The following IQGAP1 variants were observed in gnomAD, a reference collection of about 807,000 sequenced individuals.
IQGAP1 encodes ras GTPase-activating-like protein IQGAP1.
In IQGAP1, 66 loss-of-function variants were observed where a neutral mutation model predicts 215.6. The observed-to-expected ratio is 0.31, with a 90% CI of 0.25 to 0.38. The LOEUF (loss-of-function observed/expected upper bound fraction) is 0.38. Ranked by LOEUF, IQGAP1 falls within the 10% of genes least tolerant of loss-of-function variation. The probability of loss-of-function intolerance (pLI) is 1.00; values close to 1 mark genes in which losing one functional copy is unlikely to be tolerated. For synonymous variants in IQGAP1, 772 were observed against 728.7 expected (o/e 1.06, Z -0.96); for missense variants, 1,712 against 1,997.1 (o/e 0.86, Z 2.72).
chr15:90,457,675 C>T (rs1424823009), intron 15 of IQGAP1, among the ~76,000 whole-genome samples: 4 of 150,322 alleles, frequency 2.7e-5, no homozygotes, highest in Non-Finnish European at 4.4e-5. Context: ...CTCCTGACCT[C>T]AAGTGATCTG....
At chr15:90,457,942 T>C (rs535543006) in intron 15 of IQGAP1, among the ~76,000 whole-genome samples, 2 of 152,308 alleles carry the variant, frequency 1.3e-5, no homozygotes, top group South Asian at 2.1e-4. Flanking sequence ...CAGTGGACTT[T>C]AGTACGTTGA....
chr15:90,407,634 G>A (rs577527991), intron 2 of IQGAP1, among the ~76,000 whole-genome samples: 34 of 152,228 alleles, frequency 2.2e-4, no homozygotes, highest in Admixed American at 8.5e-4. Flanking sequence ...GTATTTTCTC[G>A]TTATTTAAAA....
chr15:90,429,273 C>G (rs1423429945), intron 3 of IQGAP1, among the ~76,000 whole-genome samples: 10 of 152,212 alleles, frequency 6.6e-5, no homozygotes, highest in Non-Finnish European at 1.3e-4. Context: ...TGGTAAAACT[C>G]TGTCCCTAAA....
chr15:90,478,874 AC>A (rs1966016458), intron 26 of IQGAP1, among the ~76,000 whole-genome samples: 1 of 152,242 alleles, frequency 6.6e-6, no homozygotes, highest in South Asian at 2.1e-4. Context: ...AATTAAATTA[AC>A]GTATTACAGG....
rs1474146033 is a variant in IQGAP1, at chr15:90,449,556, C to T, written c.1078-3C>T. ...TTTACATAATTTTCTTTGCTTTGCT[C>T]AGAGTGGTCAGACTGACCCCCTGCA... On this transcript the variant is annotated splice_polypyrimidine_tract_variant and splice_region_variant and intron_variant, in intron 10 of 37. Coordinates refer to ENST00000268182, the MANE Select transcript of IQGAP1 (RefSeq NM_003870.4). 2 of 1,610,278 alleles carry T rather than the reference C, an allele frequency of 1.2e-6. No individual in the cohort carries two copies. The highest frequency in any genetic ancestry group is 2.2e-5 in the South Asian group (2 of 90,320).
Position 90,486,066 on chromosome 15 carries a change from C to T in IQGAP1, c.3958C>T (p.His1320Tyr). Residue 1320 changes from histidine to tyrosine, a missense_variant, in exon 31 of 38, where the codon CAC becomes TAC. Coordinates refer to ENST00000268182, the MANE Select transcript of IQGAP1 (RefSeq NM_003870.4). ...TCACCAGGATGCCATTGCTCCGGAG[C>T]ACAATGATCCAATCCACGAACTGCT... ...LDHQDAIAPE[H>Y]NDPIHELLDD... 4 of 1,613,848 alleles carry T rather than the reference C, an allele frequency of 2.5e-6. No individual in the cohort carries two copies. Among genetic ancestry groups the T allele is most frequent in the Non-Finnish European group, 3.4e-6 (4 of 1,179,882 alleles).
chr15:90,496,146 T>C (rs1192828042), intron 36 of IQGAP1, among the ~76,000 whole-genome samples: 1 of 151,814 alleles, frequency 6.6e-6, no homozygotes, highest in Admixed American at 6.6e-5. Context: ...GATGCATGTG[T>C]GTTTCAGTGC....
chr15:90,446,583 A>G (rs1965530368), intron 9 of IQGAP1, among the ~76,000 whole-genome samples: 1 of 152,178 alleles, frequency 6.6e-6, no homozygotes, highest in South Asian at 2.1e-4. Context: ...ATTCCCTATA[A>G]AAGGACAGTC....
In IQGAP1 at chr15:90,456,323, G is replaced by A. The variant is rs1321105925; in HGVS notation, c.1776+8G>A. ...AAGAGAGAGAAAGCCCAGGTGAGTGGCATCGGAATTGTTCTTTATGTTCAG... is the reference window on the plus strand; with the variant it reads ...AAGAGAGAGAAAGCCCAGGTGAGTGACATCGGAATTGTTCTTTATGTTCAG... On this transcript the variant is annotated splice_region_variant and intron_variant, in intron 15 of 37. Coordinates refer to ENST00000268182, the MANE Select transcript of IQGAP1 (RefSeq NM_003870.4). The A allele has an allele frequency of 1.9e-6, 3 of 1,613,396 alleles. No homozygotes were observed. The African/African-American group carries it at 4.0e-5, about 22-fold the overall frequency.
intron 37 of IQGAP1, 25 bp downstream of exon 37, chr15:90,497,365 A>G (rs745563194): frequency 3.3e-5 from 39 of 1,177,996 alleles, no homozygotes; most frequent in Non-Finnish European, 1.3e-5. Context: ...GCAGGAACCA[A>G]AAACTTTCTG....
chr15:90,406,984 C>A (rs1964888200), intron 2 of IQGAP1, among the ~76,000 whole-genome samples: 1 of 152,150 alleles, frequency 6.6e-6, no homozygotes, highest in Admixed American at 6.6e-5. Flanking sequence ...CTGGACTAAT[C>A]AGAGGCTTCC....
intron 2 of IQGAP1, among the ~76,000 whole-genome samples, chr15:90,403,007 A>G (rs1002813719): frequency 3.5e-4 from 53 of 152,316 alleles, no homozygotes; most frequent in African/African-American, 1.2e-3. Flanking sequence ...CCTGTGATTC[A>G]CACCAGTAAT....
chr15:90,473,086 G>A, intron 19 of IQGAP1, 76 bp downstream of exon 19: 3 of 1,380,692 alleles, frequency 2.2e-6, no homozygotes, highest in Non-Finnish European at 2.0e-6. Context: ...TGTCACCATT[G>A]ACTGTCTGAG....
Position 90,472,932 on chromosome 15 carries a change from T to C in IQGAP1, c.2271T>C (p.Arg757=), listed in dbSNP as rs750630651. ...TCACCAGGCTGCAGGCTCGCTGCCG[T>C]GGATACTTAGTTCGACAGGAATTCC... ...GLITRLQARC[R]GYLVRQEFRS... Residue 757 remains arginine, a synonymous_variant, in exon 19 of 38, where the codon CGT becomes CGC. Transcript: ENST00000268182. The C allele has an allele frequency of 6.2e-6, 10 of 1,614,062 alleles. No individual in the cohort carries two copies. In the South Asian group the frequency reaches 9.9e-5, roughly 16 times the overall value.
intron 33 of IQGAP1, among the ~76,000 whole-genome samples, chr15:90,490,918 C>T (rs1966194014): frequency 6.6e-6 from 1 of 152,184 alleles, no homozygotes; most frequent in African/African-American, 2.4e-5. Flanking sequence ...ACGCCATTCT[C>T]CTGCCTCAGC....
In IQGAP1 at chr15:90,473,959, C is replaced by T. The variant is rs530859073; in HGVS notation, c.2497C>T (p.Arg833Trp). The change falls in exon 21 of 38, where the codon CGG becomes TGG. Residue 833 changes from arginine to tryptophan, a missense_variant. Coordinates refer to ENST00000268182, the MANE Select transcript of IQGAP1 (RefSeq NM_003870.4). ...CTATCGAGATCGCCTGCAGTACTTC[C>T]GGGACCATGTAAGCACCCTTGGATC... ...KRYRDRLQYF[R>W]DHINDIIKIQ... is the part of the protein sequence containing the mutation. 13 of 1,613,942 alleles carry T rather than the reference C, an allele frequency of 8.1e-6. No individual in the cohort carries two copies. Among genetic ancestry groups the T allele is most frequent in the South Asian group, 3.3e-5 (3 of 91,058 alleles).
chr15:90,488,961 G>T (rs1028668987), intron 33 of IQGAP1, among the ~76,000 whole-genome samples: 1 of 152,088 alleles, frequency 6.6e-6, no homozygotes, highest in African/African-American at 2.4e-5. Flanking sequence ...GCCTCTGTAA[G>T]GTTGAAGACC....
intron 15 of IQGAP1, among the ~76,000 whole-genome samples, chr15:90,458,660 A>G (rs1046371053): frequency 6.6e-6 from 1 of 152,206 alleles, no homozygotes; most frequent in Non-Finnish European, 1.5e-5. Context: ...AAGTTTGGGA[A>G]ACACTAATCT....
chr15:90,406,675 G>A (rs1427595207), intron 2 of IQGAP1, among the ~76,000 whole-genome samples: 1 of 152,126 alleles, frequency 6.6e-6, no homozygotes, highest in African/African-American at 2.4e-5. Flanking sequence ...GACTTACTAG[G>A]GCGTCAGTGA....
Sources: allele counts gnomAD v4.1 joint callset (sites outside exome capture counted in the v4.1 genomes callset), GRCh38; gene constraint gnomAD v4.1.1; transcripts MANE v1.5; gene names NCBI Gene and HGNC (gene_info 2026-07-23, HGNC 2026-07-21).